CAST: variants seen among roughly 807,000 people sequenced by gnomAD.
CAST encodes calpastatin.
In CAST, 76 loss-of-function variants were observed where a neutral mutation model predicts 119.6. That is an observed-to-expected ratio of 0.64 (90% CI 0.53 to 0.77). The LOEUF is 0.77. CAST is among the 30% of genes least tolerant of loss of function. The probability of loss-of-function intolerance (pLI) is 0.00; values close to 1 mark genes in which losing one functional copy is unlikely to be tolerated. For missense variants in CAST, 953 were observed against 946.5 expected, an observed-to-expected ratio of 1.01 and a Z score of -0.09; for synonymous variants, 319 against 331.6, an observed-to-expected ratio of 0.96 and a Z score of 0.41.
At chr5:96,177,938 T>A in the CAST span, among the ~76,000 whole-genome samples, 1 of 152,232 alleles carries the variant, frequency 6.6e-6, no homozygotes, top group African/African-American at 2.4e-5. Flanking sequence ...AAGGAAGAAC[T>A]GTACTCTTCG....
chr5:96,041,477 G>A, the CAST span, among the ~76,000 whole-genome samples: 1 of 152,118 alleles, frequency 6.6e-6, no homozygotes, highest in Non-Finnish European at 1.5e-5. Flanking sequence ...AGTAAATGTA[G>A]TGTGATAGTC....
Position 96,774,511 on chromosome 5 carries a change from T to C in CAST, c.*1895T>C, listed in dbSNP as rs2150852817. 1.0e-6 allele frequency: 1 copy of C among 986,402 alleles called. No homozygotes were observed. Among genetic ancestry groups the C allele is most frequent in the Non-Finnish European group, 1.2e-6 (1 of 829,734 alleles). 61.1% of individuals were successfully genotyped at this position (986,402 alleles called of 1,614,324 possible). On this transcript the variant is annotated 3_prime_UTR_variant, in exon 32 of 32. Transcript: ENST00000675179. ...AGAGGCAAAGAACAATTTTTTATTATCAAAAAGGTTTCTGCACATTGTTGT... is the reference window on the plus strand; with the variant it reads ...AGAGGCAAAGAACAATTTTTTATTACCAAAAAGGTTTCTGCACATTGTTGT...
intron 1 of CAST, among the ~76,000 whole-genome samples, chr5:96,656,319 C>G (rs1748157932): frequency 6.6e-6 from 1 of 152,190 alleles, no homozygotes; most frequent in Non-Finnish European, 1.5e-5. Context: ...GCAACTTGTA[C>G]TGTTAAAACA....
rs79315029 is a variant in CAST at position 96,761,370 on chromosome 5, A to G, written c.1834-904A>G. ...TAATTTAGTACATTTTGGATTACCT[A>G]AAATATTACATTCTAAAACGGCTTT... On this transcript the variant is annotated intron_variant, in intron 24 of 31. Transcript: ENST00000675179. 595 of 152,316 alleles carry G rather than the reference A, an allele frequency of 3.9e-3. 6 individuals are homozygous for G. The highest frequency in any genetic ancestry group is 0.014 in the African/African-American group (568 of 41,588). 9.4% of individuals were successfully genotyped at this position (152,316 alleles called of 1,614,324 possible).
the CAST span, among the ~76,000 whole-genome samples, chr5:96,147,429 C>T: frequency 6.6e-6 from 1 of 152,034 alleles, no homozygotes; most frequent in Non-Finnish European, 1.5e-5. Flanking sequence ...AGGGTGAAAC[C>T]CCGTCTCTAC....
chr5:96,376,226 G>T, the CAST span, among the ~76,000 whole-genome samples: 1 of 151,642 alleles, frequency 6.6e-6, no homozygotes. Context: ...AATTCCTATT[G>T]TATAACAATG....
rs764479104 is a variant in CAST, at chr5:96,534,688, G to GAGGAGGGAAGGAAGGAAGGAAGGA, written c.60+4812_60+4813insGGGAAGGAAGGAAGGAAGGAAGGA. Among the ~76,000 whole-genome samples, 152 of 36,944 alleles carry GAGGAGGGAAGGAAGGAAGGAAGGA rather than the reference G, an allele frequency of 4.1e-3. 40 individuals are homozygous for GAGGAGGGAAGGAAGGAAGGAAGGA. The highest frequency in any genetic ancestry group is 0.019 in the Middle Eastern group (2 of 104). The allele number at this position is 36,944 out of a possible 152,430, so 24.2% of individuals were successfully genotyped here. On this transcript the variant is annotated intron_variant, in intron 1 of 11. Coordinates refer to the CAST transcript ENST00000505143. ...CATCAAAGAAAGAAAGAGAGAGAGA[G>GAGGAGGGAAGGAAGGAAGGAAGGA]AGGAAGGAAGGAAGGAAGGAAGGAA...
At chr5:96,545,916 A>G (rs1188312153) in intron 1 of CAST, among the ~76,000 whole-genome samples, 3 of 152,190 alleles carry the variant, frequency 2.0e-5, no homozygotes. Context: ...CTAACCACAT[A>G]TCTTCCCTAG....
chr5:96,759,445 G>A (rs1253054799), intron 24 of CAST, among the ~76,000 whole-genome samples: 1 of 152,088 alleles, frequency 6.6e-6, no homozygotes, highest in Non-Finnish European at 1.5e-5. Context: ...AGCAGTCAAA[G>A]CAGTATTCCT....
At chr5:96,554,800 C>A (rs171920) in intron 1 of CAST, among the ~76,000 whole-genome samples, 80,563 of 152,012 alleles carry the variant, frequency 0.53, 21,541 homozygotes, top group Admixed American at 0.55. Context: ...ACATAAGAAA[C>A]AATGCTCATC....
chr5:96,683,532 T>C (rs1454571175), intron 2 of CAST, among the ~76,000 whole-genome samples: 2 of 152,188 alleles, frequency 1.3e-5, no homozygotes, highest in African/African-American at 4.8e-5. Flanking sequence ...GTTCTGTGTA[T>C]CATTCAGCCC....
At chr5:96,174,669 ACTCT>A in the CAST span, among the ~76,000 whole-genome samples, 2 of 152,034 alleles carry the variant, frequency 1.3e-5, no homozygotes, top group South Asian at 2.1e-4. Context: ...ACAGTTGTAT[ACTCT>A]CTCTTTCTAG....
chr5:96,348,403 A>T, the CAST span, among the ~76,000 whole-genome samples: 1 of 151,740 alleles, frequency 6.6e-6, no homozygotes, highest in Non-Finnish European at 1.5e-5. Context: ...AGAGAGAGAG[A>T]GGGAGAGATA....
the CAST span, among the ~76,000 whole-genome samples, chr5:96,034,511 G>GCACACACACACACA: frequency 3.0e-3 from 195 of 65,596 alleles, 2 homozygotes; most frequent in South Asian, 0.01. Flanking sequence ...ACACACATAT[G>GCACACACACACACA]TGTGTGTGTA....
chr5:96,549,561 T>C (rs187697197), intron 1 of CAST, among the ~76,000 whole-genome samples: 1 of 152,194 alleles, frequency 6.6e-6, no homozygotes, highest in East Asian at 1.9e-4. Flanking sequence ...GTGAAGCCCA[T>C]GGTGGGCGAG....
intron 1 of CAST, among the ~76,000 whole-genome samples, chr5:96,665,214 C>A (rs527436123): frequency 6.6e-6 from 1 of 152,158 alleles, no homozygotes; most frequent in Non-Finnish European, 1.5e-5. Context: ...ATGTGAGCCA[C>A]GTCTGCAATT....
chr5:96,635,948 T>C (rs542961599), intron 1 of CAST, among the ~76,000 whole-genome samples: 25 of 152,318 alleles, frequency 1.6e-4, no homozygotes, highest in African/African-American at 5.5e-4. Flanking sequence ...GTGTTTAATC[T>C]TGGAAATGTC....
chr5:96,558,285 A>G (rs1205363006), intron 1 of CAST, among the ~76,000 whole-genome samples: 3 of 152,152 alleles, frequency 2.0e-5, no homozygotes, highest in Non-Finnish European at 4.4e-5. Context: ...CTAACATCAC[A>G]ATTAAAAGAA....
chr5:95,994,859 C>G, the CAST span, among the ~76,000 whole-genome samples: 1 of 151,990 alleles, frequency 6.6e-6, no homozygotes, highest in Non-Finnish European at 1.5e-5. Context: ...AGAAACCTGT[C>G]AAAAGACTAC....
Sources: allele counts gnomAD v4.1 joint callset (sites outside exome capture counted in the v4.1 genomes callset), GRCh38; gene constraint gnomAD v4.1.1; transcripts MANE v1.5; gene names NCBI Gene and HGNC (gene_info 2026-07-23, HGNC 2026-07-21).